CSPP1: variants seen among roughly 807,000 people sequenced by gnomAD.
CSPP1 encodes centrosome and spindle pole-associated protein 1.
In CSPP1, 126 loss-of-function variants were observed where a neutral mutation model predicts 164.4. The observed-to-expected ratio is 0.77, with a 90% CI of 0.66 to 0.89. The LOEUF is 0.89. Among genes scored for constraint, CSPP1 ranks in the 40% least tolerant of loss-of-function variants. The probability of loss-of-function intolerance (pLI) is 0.00; values close to 1 mark genes in which losing one functional copy is unlikely to be tolerated. For missense variants in CSPP1, 1,395 were observed against 1,449.8 expected (o/e 0.96, Z 0.61); for synonymous variants, 472 against 476.7 (o/e 0.99, Z 0.13).
chr8:67,069,524 A>G (rs2129539981), intron 1 of CSPP1, among the ~76,000 whole-genome samples: 1 of 152,316 alleles, frequency 6.6e-6, no homozygotes, highest in South Asian at 2.1e-4. Flanking sequence ...AAGCCTGGTT[A>G]GAACAACATG....
intron 21 of CSPP1, among the ~76,000 whole-genome samples, chr8:67,159,888 C>CTT (rs1170303954): frequency 1.5e-5 from 1 of 64,826 alleles, no homozygotes; most frequent in Non-Finnish European, 2.8e-5. Context: ...TTCTTTCTTT[C>CTT]TTTCTTTCTT....
At chr8:67,073,272 G>A (rs938269585) in intron 1 of CSPP1, among the ~76,000 whole-genome samples, 5 of 152,152 alleles carry the variant, frequency 3.3e-5, no homozygotes, top group East Asian at 1.9e-4. Context: ...TAAATATCAC[G>A]TGCCTTCTCT....
Position 67,106,262 on chromosome 8 carries a change from T to A in CSPP1, c.1093+287T>A, listed in dbSNP as rs1406467417. Among the ~76,000 whole-genome samples the A allele has an allele frequency of 2.6e-5, 4 of 152,086 alleles. No individual in the cohort carries two copies. The East Asian group carries it at 7.7e-4, about 29-fold the overall frequency. On this transcript the variant is annotated intron_variant, in intron 9 of 30. Transcript: ENST00000678616. ...AAATTATTTAGTGATGTGCTTTCCG[T>A]AGGTGATAATGAAATTATTAGTTTC... is the stretch of plus-strand genomic sequence containing the variant.
chr8:67,103,637 T>C (rs779890448), intron 8 of CSPP1, among the ~76,000 whole-genome samples: 12 of 147,890 alleles, frequency 8.1e-5, no homozygotes, highest in Non-Finnish European at 1.5e-4. Context: ...CAGTCTCTAC[T>C]GAAAATACAA....
At chr8:67,071,852 C>CA (rs996659264) in intron 1 of CSPP1, among the ~76,000 whole-genome samples, 32 of 151,908 alleles carry the variant, frequency 2.1e-4, no homozygotes, top group African/African-American at 7.5e-4. Context: ...TATTCATATG[C>CA]AAAAAAGTTG....
At position 67,162,036 on chromosome 8, in the gene CSPP1, G is replaced by A. The variant is rs1396940057; in HGVS notation, c.2643+121G>A. On this transcript the variant is annotated intron_variant, in intron 22 of 30. Coordinates refer to ENST00000678616, the MANE Select transcript of CSPP1 (RefSeq NM_001382391.1). ...AAATTTTTTCAGATCTGAAATATAG[G>A]TGATATCTACAGTAATTTGCCTGCT... 3 of 657,554 alleles carry A rather than the reference G, an allele frequency of 4.6e-6. No homozygotes were observed. In the African/African-American group the frequency reaches 5.5e-5, roughly 12 times the overall value. 40.7% of individuals were successfully genotyped at this position (657,554 alleles called of 1,614,324 possible). A position where few individuals can be genotyped will look rare whatever the true frequency, so the allele number is the denominator to read the frequency against.
Position 67,195,152 on chromosome 8 carries a change from C to G in CSPP1, c.3470-230C>G, listed in dbSNP as rs149972249. The stretch of plus-strand genomic sequence containing the variant: ...GCTAGTGCCATGGAGTCAGCTTACT[C>G]AGTTGATCATTTTTTGTTTTACAAA... On this transcript the variant is annotated intron_variant, in intron 30 of 30. Coordinates refer to ENST00000678616, the MANE Select transcript of CSPP1 (RefSeq NM_001382391.1). 1.3e-4 allele frequency among the ~76,000 whole-genome samples: 20 copies of G among 152,244 alleles called. No individual in the cohort carries two copies. The East Asian group carries it at 3.7e-3, about 28-fold the overall frequency.
chr8:67,064,472 C>G lies in CSPP1; in HGVS notation c.-77C>G. The G allele has an allele frequency of 6.2e-7, 1 of 1,613,928 alleles. No individual in the cohort carries two copies. The highest frequency in any genetic ancestry group is 1.3e-5 in the African/African-American group (1 of 75,046). ...GATCCTCTAGAGCACTGTGTGTCTC[C>G]CCGGACGCGAGCCCGCTCCCCTGAG... On this transcript the variant is annotated 5_prime_UTR_variant, in exon 1 of 31. Transcript: ENST00000678616.
chr8:67,091,752 AT>A, intron 4 of CSPP1, 50 bp from the exon 5 acceptor site: 2 of 589,906 alleles, frequency 3.4e-6, no homozygotes, highest in East Asian at 1.5e-4. Flanking sequence ...TATGCAACAT[AT>A]TTTATAAAGG....
At chr8:67,136,919 A>G (rs902244154) in intron 16 of CSPP1, among the ~76,000 whole-genome samples, 2 of 152,052 alleles carry the variant, frequency 1.3e-5, no homozygotes, top group African/African-American at 2.4e-5. Context: ...GTGGCTAGAA[A>G]GTCATTTGGT....
chr8:67,179,959 TTTAAATA>T, intron 28 of CSPP1, 33 bp downstream of exon 28: 1 of 1,236,664 alleles, frequency 8.1e-7, no homozygotes, highest in Non-Finnish European at 1.2e-6. Flanking sequence ...GGCTATATTG[TTTAAATA>T]TTAAACCTTT....
At chr8:67,158,908 TTA>T in intron 20 of CSPP1, 81 bp from the exon 21 acceptor site, 1 of 1,148,794 alleles carries the variant, frequency 8.7e-7, no homozygotes, top group Non-Finnish European at 1.2e-6. Flanking sequence ...TTATCTCATT[TTA>T]TCAGATAAAT....
At chr8:67,092,268 TTGAA>T (rs1219143310) in intron 5 of CSPP1, among the ~76,000 whole-genome samples, 1 of 152,170 alleles carries the variant, frequency 6.6e-6, no homozygotes, top group African/African-American at 2.4e-5. Flanking sequence ...TAAGGGTTCT[TTGAA>T]TGTGTGATTC....
chr8:67,124,535 C>T (rs1819677406), intron 15 of CSPP1, among the ~76,000 whole-genome samples: 1 of 152,128 alleles, frequency 6.6e-6, no homozygotes, highest in South Asian at 2.1e-4. Flanking sequence ...GGGTCTTACT[C>T]TGTTGCACAG....
At chr8:67,151,773 A>C (rs1457881337) in intron 18 of CSPP1, among the ~76,000 whole-genome samples, 1 of 151,998 alleles carries the variant, frequency 6.6e-6, no homozygotes, top group Non-Finnish European at 1.5e-5. Flanking sequence ...TGAAATTCCC[A>C]AATTAGACTT....
intron 19 of CSPP1, among the ~76,000 whole-genome samples, chr8:67,156,544 A>G (rs1482030403): frequency 6.6e-6 from 1 of 152,186 alleles, no homozygotes; most frequent in African/African-American, 2.4e-5. Flanking sequence ...TCCCACCTCA[A>G]ACAAAACCTA....
chr8:67,164,566 A>G (rs547632279), intron 24 of CSPP1, 58 bp downstream of exon 24: 2 of 769,962 alleles, frequency 2.6e-6, no homozygotes, highest in South Asian at 3.2e-5. Context: ...TACTTCACCT[A>G]TCCAGTAATT....
intron 16 of CSPP1, chr8:67,135,252 C>T (rs1443340317): frequency 6.6e-6 from 1 of 152,232 alleles, no homozygotes; most frequent in Non-Finnish European, 1.5e-5. Context: ...CTCACTGCAA[C>T]CTCCACCTCA....
chr8:67,163,226 G>A (rs576656217), intron 22 of CSPP1, among the ~76,000 whole-genome samples: 1 of 152,104 alleles, frequency 6.6e-6, no homozygotes, highest in South Asian at 2.1e-4. Flanking sequence ...GTTGAGAAGT[G>A]AATGAGAGTA....
Sources: allele counts gnomAD v4.1 joint callset (sites outside exome capture counted in the v4.1 genomes callset), GRCh38; gene constraint gnomAD v4.1.1; transcripts MANE v1.5; gene names NCBI Gene and HGNC (gene_info 2026-07-23, HGNC 2026-07-21).